RTF2: variants seen among roughly 807,000 people sequenced by gnomAD.
RTF2 encodes replication termination factor 2, also known as UPF0549 protein C20orf43.
RTF2 carries 18 observed loss-of-function variants against 38.0 expected under a neutral mutation model. The ratio of observed to expected loss-of-function variants is 0.47; its 90% CI spans 0.33 to 0.70. The LOEUF (loss-of-function observed/expected upper bound fraction) is 0.70, where lower values mean the gene tolerates loss of function less well. Among genes scored for constraint, RTF2 ranks in the 30% least tolerant of loss-of-function variants. The probability of loss-of-function intolerance (pLI) is 0.02; values close to 1 mark genes in which losing one functional copy is unlikely to be tolerated. For missense variants in RTF2, 311 were observed against 379.6 expected, an observed-to-expected ratio of 0.82 and a Z score of 1.50; for synonymous variants, 126 against 137.1, an observed-to-expected ratio of 0.92 and a Z score of 0.57.
At position 56,491,847 on chromosome 20, in the gene RTF2, A is replaced by T; in HGVS notation, c.477+7658A>T. The T allele has an allele frequency of 4.1e-6, 5 of 1,225,406 alleles. No homozygotes were observed. In the South Asian group the frequency reaches 6.6e-5, roughly 16 times the overall value. 75.9% of individuals were successfully genotyped at this position (1,225,406 alleles called of 1,614,324 possible). A position where few individuals can be genotyped will look rare whatever the true frequency, so the allele number is the denominator to read the frequency against. On this transcript the variant is annotated intron_variant, in intron 5 of 8. Transcript: ENST00000357348. ...CCTCACCCATTTTATTCACACACAG[A>T]AAGTGGCGCATGCTCCGTCCGGTGT... is the stretch of plus-strand genomic sequence containing the variant.
In RTF2 at chr20:56,513,297, C is replaced by A; in HGVS notation, c.478-18C>A. The stretch of plus-strand genomic sequence containing the variant: ...TGACTGGTGATGGAATCTGCCCTCT[C>A]TTGTTTGCCCTCTCCAGTGTGGGGC... On this transcript the variant is annotated intron_variant, in intron 5 of 8. Transcript: ENST00000357348. 1 of 1,577,042 alleles carries A rather than the reference C, an allele frequency of 6.3e-7. No homozygotes were observed. The highest frequency in any genetic ancestry group is 8.6e-7 in the Non-Finnish European group (1 of 1,161,874).
intron 5 of RTF2, among the ~76,000 whole-genome samples, chr20:56,502,755 G>A (rs1283424791): frequency 1.3e-5 from 2 of 152,164 alleles, no homozygotes; most frequent in Non-Finnish European, 2.9e-5. Flanking sequence ...GTTTCTGAGA[G>A]CTTTACTTTT....
In RTF2 at chr20:56,518,514, T is replaced by G; in HGVS notation, c.*249T>G. The G allele has an allele frequency of 2.6e-6, 1 of 378,648 alleles. No individual in the cohort carries two copies. Among genetic ancestry groups the G allele is most frequent in the Non-Finnish European group, 4.7e-6 (1 of 213,112 alleles). 23.5% of individuals were successfully genotyped at this position (378,648 alleles called of 1,614,324 possible). ...TCCACCTGCAGGTGCATTTGGTCCT[T>G]TCCATGGCCAGGAAGCCCTGTGGGC... is the stretch of plus-strand genomic sequence containing the variant. On this transcript the variant is annotated 3_prime_UTR_variant, in exon 9 of 9. Coordinates refer to ENST00000357348, the MANE Select transcript of RTF2 (RefSeq NM_016407.5).
intron 5 of RTF2, chr20:56,497,592 GC>G: frequency 7.5e-7 from 1 of 1,327,498 alleles, no homozygotes. Context: ...AGACTTTGTG[GC>G]TCGAAGCTGG....
rs578179548 is a variant in RTF2, at chr20:56,478,936, A to G, written c.398+1812A>G. Among the ~76,000 whole-genome samples, 80 of 152,374 alleles carry G rather than the reference A, an allele frequency of 5.3e-4. 2 individuals are homozygous for G. In the South Asian group the frequency reaches 0.016, roughly 31 times the overall value. The stretch of plus-strand genomic sequence containing the variant: ...AATCTATCATAACAATATTCACAGC[A>G]TCTTCACCATGGGCAGATTCTGTCT... On this transcript the variant is annotated intron_variant, in intron 4 of 8. Coordinates refer to ENST00000357348, the MANE Select transcript of RTF2 (RefSeq NM_016407.5).
At chr20:56,482,696 T>G (rs1415240397) in intron 4 of RTF2, among the ~76,000 whole-genome samples, 1 of 152,262 alleles carries the variant, frequency 6.6e-6, no homozygotes, top group Non-Finnish European at 1.5e-5. Flanking sequence ...TAGTGCAGTG[T>G]TATGAACTGG....
At chr20:56,501,040 A>G (rs1361894924) in intron 5 of RTF2, among the ~76,000 whole-genome samples, 1 of 152,212 alleles carries the variant, frequency 6.6e-6, no homozygotes, top group Non-Finnish European at 1.5e-5. Context: ...TCACAGAGTA[A>G]TGTTTCAATA....
chr20:56,476,660 C>T lies in RTF2; in HGVS notation c.259-325C>T, dbSNP rs367769087. 2.8e-4 allele frequency among the ~76,000 whole-genome samples: 43 copies of T among 152,160 alleles called. 1 individual carries two copies. In the East Asian group the frequency reaches 4.6e-3, roughly 16 times the overall value. On this transcript the variant is annotated intron_variant, in intron 3 of 8. Coordinates refer to ENST00000357348, the MANE Select transcript of RTF2 (RefSeq NM_016407.5). The stretch of plus-strand genomic sequence containing the variant: ...GATTACAGGCATGTTCCACCACACC[C>T]AGCTAATTTTGTATTTTTAGTAGAG...
In RTF2 at chr20:56,481,179, C is replaced by G. The variant is rs115662761; in HGVS notation, c.399-2932C>G. ...TACTGAAAGGTAGCATTTTTTATTA[C>G]TTTCATTCAGGAAAGGGGTGGGGCA... On this transcript the variant is annotated intron_variant, in intron 4 of 8. Transcript: ENST00000357348. Among the ~76,000 whole-genome samples the G allele has an allele frequency of 3.9e-3, 594 of 152,286 alleles. 8 individuals are homozygous for G. The highest frequency in any genetic ancestry group is 0.014 in the African/African-American group (573 of 41,540).
intron 5 of RTF2, among the ~76,000 whole-genome samples, chr20:56,490,255 C>T (rs142803264): frequency 6.6e-6 from 1 of 152,230 alleles, no homozygotes; most frequent in Non-Finnish European, 1.5e-5. Context: ...TTAATTTCCT[C>T]TCCTCTGGTT....
chr20:56,487,552 A>T (rs543746704), intron 5 of RTF2, among the ~76,000 whole-genome samples: 2 of 152,344 alleles, frequency 1.3e-5, no homozygotes, highest in Admixed American at 6.5e-5. Flanking sequence ...TGTCTTAAAG[A>T]TACATCTGTT....
At chr20:56,470,504 G>A (rs1443318986) in intron 1 of RTF2, 6 of 442,842 alleles carry the variant, frequency 1.4e-5, no homozygotes, top group South Asian at 4.7e-5. Context: ...CTTACATTTC[G>A]GATCAATATT....
In RTF2 at chr20:56,503,710, C is replaced by T. The variant is rs192682028; in HGVS notation, c.478-9605C>T. 2.5e-3 allele frequency among the ~76,000 whole-genome samples: 373 copies of T among 152,236 alleles called. 1 individual carries two copies. The highest frequency in any genetic ancestry group is 3.3e-3 in the Non-Finnish European group (223 of 68,008). The stretch of plus-strand genomic sequence containing the variant: ...AGGTGTGGTGGCTCACACCTGTAAT[C>T]CTAGCACTTTGAGAGGCTGAGGTGG... On this transcript the variant is annotated intron_variant, in intron 5 of 8. Transcript: ENST00000357348.
chr20:56,516,836 G>A (rs1373427795), intron 6 of RTF2, 99 bp from the exon 7 acceptor site: 7 of 1,002,960 alleles, frequency 7.0e-6, no homozygotes, highest in Middle Eastern at 2.1e-4. Context: ...GACTAGCATC[G>A]GTCAGTCAGA....
chr20:56,470,995 G>T, intron 1 of RTF2: 1 of 222,810 alleles, frequency 4.5e-6, no homozygotes, highest in Non-Finnish European at 9.5e-6. Flanking sequence ...ATCAAACTGG[G>T]CGGGGGGATC....
intron 5 of RTF2, chr20:56,491,811 T>C (rs1449174149): frequency 6.6e-7 from 1 of 1,508,256 alleles, no homozygotes; most frequent in Admixed American, 2.0e-5. Context: ...AAAACCTAGC[T>C]GCCTTTGTTT....
At chr20:56,497,894 T>C (rs1983662846) in intron 5 of RTF2, among the ~76,000 whole-genome samples, 1 of 152,254 alleles carries the variant, frequency 6.6e-6, no homozygotes, top group African/African-American at 2.4e-5. Flanking sequence ...TTTGTCAGTG[T>C]GTAACTCTTT....
chr20:56,487,376 G>A (rs1220861972), intron 5 of RTF2, among the ~76,000 whole-genome samples: 17 of 152,192 alleles, frequency 1.1e-4, no homozygotes, highest in Admixed American at 1.1e-3. Context: ...CAGGAGGAAA[G>A]AGGAACAGAG....
At chr20:56,484,254 C>A in intron 5 of RTF2, 65 bp downstream of exon 5, 2 of 1,274,260 alleles carry the variant, frequency 1.6e-6, no homozygotes, top group South Asian at 1.2e-5. Flanking sequence ...GGTTTAGGGT[C>A]CTTTCCCTCC....
Sources: gnomAD v4.1 joint callset for allele counts (sites outside exome capture counted in the v4.1 genomes callset) on GRCh38, gnomAD v4.1.1 for gene constraint, MANE v1.5 for transcripts, NCBI Gene and HGNC (gene_info 2026-07-23, HGNC 2026-07-21) for gene names.